Variants in SLC14A2 observed in about 807,000 individuals in gnomAD.
The protein encoded by SLC14A2 is solute carrier family 14 member 2.
Under a neutral mutation model 104.6 loss-of-function variants are expected in SLC14A2, and 91 were observed. That is an observed-to-expected ratio of 0.87 (90% CI 0.73 to 1.04). SLC14A2 has a LOEUF of 1.04. Ranked by LOEUF, SLC14A2 falls within the 50% of genes least tolerant of loss-of-function variation. The pLI, the probability that SLC14A2 is intolerant of heterozygous loss-of-function variation, is 0.00. For missense variants in SLC14A2, 1,189 were observed against 1,156.0 expected (o/e 1.03, Z -0.41); for synonymous variants, 476 against 466.4 (o/e 1.02, Z -0.27).
rs1489332439 is a variant in SLC14A2 at position 45,414,758 on chromosome 18, ATATATATATAT to A, written c.-124-68474_-124-68464del. Among the ~76,000 whole-genome samples, 56 of 50,084 alleles carry A rather than the reference ATATATATATAT, an allele frequency of 1.1e-3. 1 individual carries two copies. The highest frequency in any genetic ancestry group is 1.3e-3 in the Non-Finnish European group (37 of 27,458). The allele number at this position is 50,084 out of a possible 152,430, so 32.9% of individuals were successfully genotyped here. On this transcript the variant is annotated intron_variant, in intron 1 of 20. Coordinates refer to the SLC14A2 transcript ENST00000586448. ...GGCACCGAGCGTAAAAAAAAAAAAA[ATATATATATAT>A]ATATATATATATATATATATATATA...
intron 1 of SLC14A2, among the ~76,000 whole-genome samples, chr18:45,293,421 A>G (rs1362260262): frequency 1.3e-5 from 2 of 152,196 alleles, no homozygotes; most frequent in Non-Finnish European, 2.9e-5. Flanking sequence ...GGGAAGACAT[A>G]TATTAAAATA....
intron 1 of SLC14A2, among the ~76,000 whole-genome samples, chr18:45,280,346 G>A (rs1390209797): frequency 2.0e-5 from 3 of 152,166 alleles, no homozygotes; most frequent in Non-Finnish European, 4.4e-5. Context: ...GAGAGATCAG[G>A]GAGGGAGGCA....
chr18:45,244,056 C>T (rs773900397), intron 1 of SLC14A2, among the ~76,000 whole-genome samples: 5 of 152,100 alleles, frequency 3.3e-5, no homozygotes, highest in South Asian at 2.1e-4. Context: ...CTTACCAAAC[C>T]GGGTTTCTGA....
At chr18:45,222,323 C>T (rs1415927727) in intron 1 of SLC14A2, among the ~76,000 whole-genome samples, 1 of 152,128 alleles carries the variant, frequency 6.6e-6, no homozygotes, top group East Asian at 1.9e-4. Context: ...CAGTACTGAC[C>T]TCGTTTTTGG....
At chr18:45,563,140 C>T (rs2044223594) in intron 2 of SLC14A2, among the ~76,000 whole-genome samples, 1 of 152,192 alleles carries the variant, frequency 6.6e-6, no homozygotes, top group Non-Finnish European at 1.5e-5. Context: ...GGCAGTGTGA[C>T]AAAAGTTTTG....
chr18:45,479,815 T>G (rs1195186063), intron 1 of SLC14A2, among the ~76,000 whole-genome samples: 1 of 152,184 alleles, frequency 6.6e-6, no homozygotes. Flanking sequence ...ATCATTCACA[T>G]TACCCACAGC....
At chr18:45,428,619 C>T (rs1306671551) in intron 1 of SLC14A2, among the ~76,000 whole-genome samples, 1 of 152,114 alleles carries the variant, frequency 6.6e-6, no homozygotes, top group African/African-American at 2.4e-5. Context: ...TCCTAAAACA[C>T]AGGCTGTACT....
At chr18:45,410,045 G>T (rs2086197693) in intron 1 of SLC14A2, among the ~76,000 whole-genome samples, 1 of 152,132 alleles carries the variant, frequency 6.6e-6, no homozygotes, top group Non-Finnish European at 1.5e-5. Context: ...AGATCATCAG[G>T]AATTAGATTC....
intron 8 of SLC14A2, 105 bp downstream of exon 8, chr18:45,641,448 C>T (rs2045526894): frequency 1.5e-6 from 2 of 1,324,086 alleles, no homozygotes; most frequent in Middle Eastern, 3.8e-4. Flanking sequence ...TCAGCAGTGA[C>T]AGAAAGGCCA....
chr18:45,597,524 C>T (rs2044731764), intron 2 of SLC14A2, among the ~76,000 whole-genome samples: 1 of 152,028 alleles, frequency 6.6e-6, no homozygotes, highest in Non-Finnish European at 1.5e-5. Flanking sequence ...AAAACGGTAA[C>T]TAAAAGGGTT....
chr18:45,529,008 A>G (rs1230680095), intron 2 of SLC14A2: 1 of 152,262 alleles, frequency 6.6e-6, no homozygotes, highest in Non-Finnish European at 1.5e-5. Context: ...CAGATGCCAC[A>G]TGGAGAAAGA....
At chr18:45,386,405 G>A (rs141795520) in intron 1 of SLC14A2, among the ~76,000 whole-genome samples, 4 of 152,238 alleles carry the variant, frequency 2.6e-5, no homozygotes, top group African/African-American at 9.6e-5. Context: ...CTCAAAGACC[G>A]CAGGAGGGTC....
intron 1 of SLC14A2, among the ~76,000 whole-genome samples, chr18:45,275,454 A>G (rs796545011): frequency 1.8e-4 from 28 of 152,288 alleles, no homozygotes; most frequent in African/African-American, 6.0e-4. Context: ...TTTTCCATAC[A>G]CTGCTCCTCT....
intron 1 of SLC14A2, among the ~76,000 whole-genome samples, chr18:45,475,650 TATATATATATATA>T (rs2087355185): frequency 8.5e-5 from 2 of 23,574 alleles, no homozygotes; most frequent in South Asian, 4.5e-3. Flanking sequence ...AGGATATATA[TATATATATATATA>T]TATATATATA....
At chr18:45,252,530 ACAAG>A (rs1377944228) in intron 1 of SLC14A2, among the ~76,000 whole-genome samples, 2 of 152,342 alleles carry the variant, frequency 1.3e-5, no homozygotes, top group African/African-American at 4.8e-5. Flanking sequence ...ATTTGTCCTA[ACAAG>A]CAGGCAAACA....
chr18:45,588,974 T>TG lies in SLC14A2; in HGVS notation c.-34-35648dup, dbSNP rs34969613. 2.9e-4 allele frequency among the ~76,000 whole-genome samples: 43 copies of TG among 148,144 alleles called. No individual in the cohort carries two copies. The South Asian group carries it at 5.0e-3, about 17-fold the overall frequency. The stretch of plus-strand genomic sequence containing the variant: ...TCTTTTTTTGTTTGGGGTTGGTGGG[T>TG]GGGGGGGGGTGTTAAATGTGAAGTT... On this transcript the variant is annotated intron_variant, in intron 2 of 20. Coordinates refer to the SLC14A2 transcript ENST00000586448.
chr18:45,605,305 G>A (rs1185258614), intron 2 of SLC14A2, among the ~76,000 whole-genome samples: 1 of 152,114 alleles, frequency 6.6e-6, no homozygotes, highest in East Asian at 1.9e-4. Context: ...TGCACTGATG[G>A]ACTGTCTCAT....
At chr18:45,566,837 G>A (rs1246692960) in intron 2 of SLC14A2, among the ~76,000 whole-genome samples, 2 of 152,204 alleles carry the variant, frequency 1.3e-5, no homozygotes, top group Non-Finnish European at 1.5e-5. Context: ...TTTATCAGAA[G>A]TACTGGTGAG....
chr18:45,435,971 GT>G (rs780475757), intron 1 of SLC14A2, among the ~76,000 whole-genome samples: 55 of 152,140 alleles, frequency 3.6e-4, no homozygotes, highest in Non-Finnish European at 7.5e-4. Context: ...CAGGGAAGAT[GT>G]GACTAAACAG....
Sources: gnomAD v4.1 joint callset for allele counts (sites outside exome capture counted in the v4.1 genomes callset) on GRCh38, gnomAD v4.1.1 for gene constraint, MANE v1.5 for transcripts, NCBI Gene and HGNC (gene_info 2026-07-23, HGNC 2026-07-21) for gene names.